Variants in SPDEF observed in about 807,000 individuals in gnomAD.
SPDEF encodes the protein SAM pointed domain containing ETS transcription factor.
In SPDEF, 12 loss-of-function variants were observed where a neutral mutation model predicts 36.0. That is an observed-to-expected ratio of 0.33 (90% CI 0.21 to 0.54). SPDEF has a LOEUF of 0.54. SPDEF is among the 20% of genes least tolerant of loss of function. SPDEF has a pLI of 0.93. For synonymous variants in SPDEF, 205 were observed against 193.0 expected, an observed-to-expected ratio of 1.06 and a Z score of -0.51; for missense variants, 388 against 456.9, an observed-to-expected ratio of 0.85 and a Z score of 1.37.
chr6:34,543,428 A>G lies in SPDEF; in HGVS notation c.436+592T>C, dbSNP rs144784470. On this transcript the variant is annotated intron_variant, in intron 2 of 5. Coordinates refer to ENST00000374037, the MANE Select transcript of SPDEF (RefSeq NM_012391.3). ...ATGGTGCGGCACGTCCGAGGAGTGT[A>G]AGTGCTATGAGAGGAAGCAGGTGAG... Among the ~76,000 whole-genome samples the G allele has an allele frequency of 5.3e-5, 8 of 152,234 alleles. No homozygotes were observed. In the East Asian group the frequency reaches 1.5e-3, roughly 29 times the overall value.
chr6:34,540,407 T>C (rs1171464588), intron 3 of SPDEF, among the ~76,000 whole-genome samples: 9 of 147,212 alleles, frequency 6.1e-5, no homozygotes, highest in African/African-American at 2.4e-4. Context: ...CTACTACTTA[T>C]GTCAAAAAAA....
chr6:34,554,815 C>T (rs765932304), intron 1 of SPDEF, among the ~76,000 whole-genome samples: 46 of 152,318 alleles, frequency 3.0e-4, no homozygotes, highest in South Asian at 2.1e-3. Context: ...GCAGCCTGGA[C>T]GCCTGTTTGC....
chr6:34,545,157 C>A (rs925704632), intron 1 of SPDEF, among the ~76,000 whole-genome samples: 1 of 152,208 alleles, frequency 6.6e-6, no homozygotes, highest in Non-Finnish European at 1.5e-5. Flanking sequence ...TCCCAATACC[C>A]CAGGCTGGGT....
In SPDEF at chr6:34,538,841, A is replaced by G. The variant is rs1451349238; in HGVS notation, c.830-389T>C. 2.6e-5 allele frequency among the ~76,000 whole-genome samples: 4 copies of G among 152,150 alleles called. No individual in the cohort carries two copies. The highest frequency in any genetic ancestry group is 5.9e-5 in the Non-Finnish European group (4 of 68,020). On this transcript the variant is annotated intron_variant, in intron 5 of 5. Coordinates refer to ENST00000374037, the MANE Select transcript of SPDEF (RefSeq NM_012391.3). The surrounding 1 kb of genome is among the most constrained non-coding windows in gnomAD (Gnocchi z 5.9). ...TCCTGTGTGGCTCCCAGCAGTGCCCACGGCTCACTTGGCAAGAGCATCCCT... is the reference window on the plus strand; with the variant it reads ...TCCTGTGTGGCTCCCAGCAGTGCCCGCGGCTCACTTGGCAAGAGCATCCCT...
chr6:34,539,111 C>T lies in SPDEF; in HGVS notation c.829+139G>A. ...CCCCAGGGCTGTCCCATGAGAGCTG[C>T]ATATTTGGCATCTAGGACAAAGGTG... is the stretch of plus-strand genomic sequence containing the variant. On this transcript the variant is annotated intron_variant, in intron 5 of 5. Coordinates refer to ENST00000374037, the MANE Select transcript of SPDEF (RefSeq NM_012391.3). The surrounding 1 kb of genome is among the most constrained non-coding windows in gnomAD (Gnocchi z 5.2). 1 of 957,358 alleles carries T rather than the reference C, an allele frequency of 1.0e-6. No homozygotes were observed. The highest frequency in any genetic ancestry group is 2.4e-5 in the East Asian group (1 of 41,650). 59.3% of individuals were successfully genotyped at this position (957,358 alleles called of 1,614,324 possible). A position where few individuals can be genotyped will look rare whatever the true frequency, so the allele number is the denominator to read the frequency against.
chr6:34,553,067 T>C (rs1768096249), intron 1 of SPDEF, among the ~76,000 whole-genome samples: 1 of 152,064 alleles, frequency 6.6e-6, no homozygotes, highest in Non-Finnish European at 1.5e-5. Flanking sequence ...GAGGGGGGTC[T>C]TTATCCTGGT....
Position 34,539,651 on chromosome 6 carries a change from G to A in SPDEF, c.635-89C>T. 1.4e-6 allele frequency: 2 copies of A among 1,450,778 alleles called. No homozygotes were observed. Among genetic ancestry groups the A allele is most frequent in the Non-Finnish European group, 9.4e-7 (1 of 1,058,536 alleles). The allele number at this position is 1,450,778 out of a possible 1,614,324, so 89.9% of individuals were successfully genotyped here. On this transcript the variant is annotated intron_variant, in intron 3 of 5. Transcript: ENST00000374037. This position sits in a 1 kb window ranked among gnomAD's most constrained non-coding sequence, Gnocchi z 5.2. ...GTTTGGGTGGGACTGTGGGGCCACAGGAGCCCCTCTGTGGCTGGGGGTTGC... is the reference window on the plus strand; with the variant it reads ...GTTTGGGTGGGACTGTGGGGCCACAAGAGCCCCTCTGTGGCTGGGGGTTGC...
Position 34,555,855 on chromosome 6 carries a change from C to G in SPDEF, c.-30+74G>C, listed in dbSNP as rs973178263. The G allele has an allele frequency of 6.5e-6, 1 of 152,874 alleles. No homozygotes were observed. Among genetic ancestry groups the G allele is most frequent in the Non-Finnish European group, 1.5e-5 (1 of 68,250 alleles). 9.5% of individuals were successfully genotyped at this position (152,874 alleles called of 1,614,324 possible). On this transcript the variant is annotated intron_variant, in intron 1 of 5. Transcript: ENST00000374037. The surrounding 1 kb of genome is among the most constrained non-coding windows in gnomAD (Gnocchi z 5.2). ...CAAAGTGCGCCCCCTCCAAGTCCTG[C>G]CTGCAGTCGCCCACCCCCCAGCTGG...
At chr6:34,553,001 C>T (rs1040870588) in intron 1 of SPDEF, among the ~76,000 whole-genome samples, 7 of 152,142 alleles carry the variant, frequency 4.6e-5, no homozygotes, top group Admixed American at 1.3e-4. Context: ...GCTGGAGCCC[C>T]GGGCTGGGCA....
chr6:34,555,309 C>G lies in SPDEF; in HGVS notation c.-30+620G>C, dbSNP rs1768145846. ...CTTTCCTTGTGTGCCAAGACCAGGA[C>G]CCAAGGCTCTCAGCTTCCCCCAGTG... On this transcript the variant is annotated intron_variant, in intron 1 of 5. Transcript: ENST00000374037. The surrounding 1 kb of genome is among the most constrained non-coding windows in gnomAD (Gnocchi z 5.2). Among the ~76,000 whole-genome samples, 1 of 152,048 alleles carries G rather than the reference C, an allele frequency of 6.6e-6. No homozygotes were observed. Among genetic ancestry groups the G allele is most frequent in the African/African-American group, 2.4e-5 (1 of 41,384 alleles).
rs1236436770 is a variant in SPDEF, at chr6:34,552,183, A to G, written c.-30+3746T>C. ...GTACACTCCTTGAAGGGCCGGCCAC[A>G]GTACCTTCCCTCTTCCCTACCCTCC... is the stretch of plus-strand genomic sequence containing the variant. On this transcript the variant is annotated intron_variant, in intron 1 of 5. Coordinates refer to ENST00000374037, the MANE Select transcript of SPDEF (RefSeq NM_012391.3). This position sits in a 1 kb window ranked among gnomAD's most constrained non-coding sequence, Gnocchi z 4.6. 6.6e-6 allele frequency among the ~76,000 whole-genome samples: 1 copy of G among 151,894 alleles called. No individual in the cohort carries two copies. The highest frequency in any genetic ancestry group is 1.5e-5 in the Non-Finnish European group (1 of 67,970).
chr6:34,544,325 C>T lies in SPDEF; in HGVS notation c.131G>A (p.Ser44Asn). Residue 44 changes from serine to asparagine, a missense_variant, in exon 2 of 6, where the codon AGT (serine) becomes AAT (asparagine). Ser to Asn is a conservative substitution (Grantham distance 46, BLOSUM62 1). This residue lies in a region of SPDEF where 308 missense variants were observed against 326.1 expected (regional missense o/e 0.94). Transcript: ENST00000374037. This position sits in a 1 kb window ranked among gnomAD's most constrained non-coding sequence, Gnocchi z 4.4. ...GAVGLERRDW[S>N]PSPPATPEQG... The stretch of plus-strand genomic sequence containing the variant: ...CTCGGGCGTGGCGGGTGGACTGGGA[C>T]TCCAGTCCCGTCTCTCGAGACCCAC... The T allele has an allele frequency of 6.2e-7, 1 of 1,608,744 alleles. No homozygotes were observed. The highest frequency in any genetic ancestry group is 2.2e-5 in the East Asian group (1 of 44,846).
At position 34,539,176 on chromosome 6, in the gene SPDEF, C is replaced by A; in HGVS notation, c.829+74G>T. On this transcript the variant is annotated intron_variant, in intron 5 of 5. Transcript: ENST00000374037. The surrounding 1 kb of genome is among the most constrained non-coding windows in gnomAD (Gnocchi z 5.2). ...CCCTCTGCCCGCCCCTGCCCCCATG[C>A]ACCGTGCCTGGCAGAAGCCCCCACA... The A allele has an allele frequency of 3.2e-6, 5 of 1,557,698 alleles. No individual in the cohort carries two copies. The highest frequency in any genetic ancestry group is 3.5e-6 in the Non-Finnish European group (4 of 1,142,380).
chr6:34,541,048 C>A lies in SPDEF; in HGVS notation c.570G>T (p.Gln190His), dbSNP rs775404376. 4 of 1,612,624 alleles carry A rather than the reference C, an allele frequency of 2.5e-6. No homozygotes were observed. Among genetic ancestry groups the A allele is most frequent in the East Asian group, 2.2e-5 (1 of 44,894 alleles). The change falls in exon 3 of 6, where the codon CAG becomes CAT. Residue 190 changes from glutamine to histidine, a missense_variant. Physicochemically the swap from Gln to His is conservative, Grantham distance 24. Around this residue, in one of 2 missense-constraint regions of SPDEF, gnomAD observed 308 missense variants for 326.1 expected, o/e 0.94. Transcript: ENST00000374037. Reference sequence around the variant, plus strand: ...CACCCAGGGGCGAGCGCTGGCGGAACTGCTCCTCCGACATGGCGCACAGCT... The same window carrying A: ...CACCCAGGGGCGAGCGCTGGCGGAAATGCTCCTCCGACATGGCGCACAGCT... ...GKELCAMSEE[Q>H]FRQRSPLGGD...
intron 1 of SPDEF, among the ~76,000 whole-genome samples, chr6:34,548,785 G>A (rs941298030): frequency 1.7e-4 from 26 of 152,216 alleles, no homozygotes; most frequent in African/African-American, 5.5e-4. Context: ...CTGCCCCAGC[G>A]AGCCCTCCCT....
Position 34,544,612 on chromosome 6 carries a change from G to T in SPDEF, c.-29-128C>A. 1 of 695,482 alleles carries T rather than the reference G, an allele frequency of 1.4e-6. No homozygotes were observed. Among genetic ancestry groups the T allele is most frequent in the Non-Finnish European group, 2.2e-6 (1 of 454,648 alleles). 43.1% of individuals were successfully genotyped at this position (695,482 alleles called of 1,614,324 possible). On this transcript the variant is annotated intron_variant, in intron 1 of 5. Transcript: ENST00000374037. The surrounding 1 kb of genome is among the most constrained non-coding windows in gnomAD (Gnocchi z 4.4). ...CCTGGGACAGAGTTGGGGGCTTCCG[G>T]GTCATTGGGCAGCCACGACATGGTT... is the stretch of plus-strand genomic sequence containing the variant.
chr6:34,541,021 C>A lies in SPDEF; in HGVS notation c.597G>T (p.Gly199=). ...EQFRQRSPLG[G]DVLHAHLDIW... Reference sequence around the variant, plus strand: ...TGTCCAGGTGGGCGTGCAGCACATCCCCACCCAGGGGCGAGCGCTGGCGGA... The same window carrying A: ...TGTCCAGGTGGGCGTGCAGCACATCACCACCCAGGGGCGAGCGCTGGCGGA... Residue 199 remains glycine (G), a synonymous_variant, in exon 3 of 6, where the codon GGG becomes GGT. Transcript: ENST00000374037. 6.2e-7 allele frequency: 1 copy of A among 1,612,160 alleles called. No homozygotes were observed.
intron 2 of SPDEF, among the ~76,000 whole-genome samples, chr6:34,542,651 G>A (rs1191122858): frequency 6.6e-6 from 1 of 152,238 alleles, no homozygotes; most frequent in East Asian, 1.9e-4. Flanking sequence ...CACTTTGGGA[G>A]GCCAAGGCAG....
At position 34,544,233 on chromosome 6, in the gene SPDEF, C is replaced by T. The variant is rs143277670; in HGVS notation, c.223G>A (p.Ala75Thr). The T allele has an allele frequency of 6.2e-7, 1 of 1,613,848 alleles. No homozygotes were observed. The highest frequency in any genetic ancestry group is 1.3e-5 in the African/African-American group (1 of 75,054). The stretch of plus-strand genomic sequence containing the variant: ...CGACTGCTGGCCCCAGGGGCCTTGG[C>T]TGCCCAGCTGCTGTCCTCAGGGTAC... The part of the protein sequence containing the change: ...MLYPEDSSWA[A>T]KAPGASSREE... Residue 75 changes from alanine to threonine, a missense_variant, in exon 2 of 6, where the codon GCC becomes ACC. Transcript: ENST00000374037. This position sits in a 1 kb window ranked among gnomAD's most constrained non-coding sequence, Gnocchi z 4.4.
Sources: allele counts gnomAD v4.1 joint callset (sites outside exome capture counted in the v4.1 genomes callset), GRCh38; gene constraint gnomAD v4.1.1; regional missense constraint gnomAD v4.1.1; non-coding constraint Gnocchi (gnomAD v3.1); transcripts MANE v1.5; gene names NCBI Gene and HGNC (gene_info 2026-07-23, HGNC 2026-07-21).